GLI3: variants seen among roughly 807,000 people sequenced by gnomAD.
GLI3 encodes GLI family zinc finger 3.
GLI3 carries 20 observed loss-of-function variants against 100.8 expected under a neutral mutation model. The observed-to-expected ratio is 0.20, with a 90% CI of 0.14 to 0.29. The LOEUF (loss-of-function observed/expected upper bound fraction) is 0.29. Among genes scored for constraint, GLI3 ranks in the 10% least tolerant of loss-of-function variants. The probability of loss-of-function intolerance (pLI) is 1.00; values close to 1 mark genes in which losing one functional copy is unlikely to be tolerated. For synonymous variants in GLI3, 938 were observed against 860.5 expected (o/e 1.09, Z -1.58); for missense variants, 2,040 against 2,128.5 (o/e 0.96, Z 0.82).
At chr7:42,006,881 C>T (rs540801930) in intron 10 of GLI3, among the ~76,000 whole-genome samples, 124 of 152,208 alleles carry the variant, frequency 8.1e-4, no homozygotes, top group Admixed American at 3.1e-3. Flanking sequence ...TTATTCATTT[C>T]TTAGTTTCTA....
At chr7:42,020,659 C>T (rs1235914280) in intron 10 of GLI3, among the ~76,000 whole-genome samples, 1 of 152,214 alleles carries the variant, frequency 6.6e-6, no homozygotes, top group African/African-American at 2.4e-5. Context: ...GGAATGGAAA[C>T]TGTTAATGCT....
chr7:42,236,838 G>A (rs892187691), intron 1 of GLI3, 133 bp downstream of exon 1: 5 of 152,242 alleles, frequency 3.3e-5, no homozygotes, highest in African/African-American at 1.2e-4. Context: ...TCTAAATCTG[G>A]GCGCCTTTTG....
intron 2 of GLI3, among the ~76,000 whole-genome samples, chr7:42,212,661 G>A (rs776611268): frequency 3.1e-4 from 47 of 152,194 alleles, no homozygotes; most frequent in Non-Finnish European, 5.6e-4. Flanking sequence ...GAAATTATAA[G>A]GAAAGGCCGA....
chr7:42,031,454 C>T (rs1789295473), intron 7 of GLI3, among the ~76,000 whole-genome samples: 1 of 152,102 alleles, frequency 6.6e-6, no homozygotes, highest in African/African-American at 2.4e-5. Context: ...AAAGAAGTAC[C>T]AAGGTCATCA....
chr7:42,109,855 G>T (rs1004473987), intron 3 of GLI3, among the ~76,000 whole-genome samples: 1 of 152,184 alleles, frequency 6.6e-6, no homozygotes, highest in Non-Finnish European at 1.5e-5. Flanking sequence ...ACTTGCAAAA[G>T]AAAGATTTTA....
At chr7:42,112,784 G>A (rs930955726) in intron 3 of GLI3, among the ~76,000 whole-genome samples, 1 of 150,254 alleles carries the variant, frequency 6.7e-6, no homozygotes, top group Admixed American at 6.6e-5. Context: ...CATCCCCACT[G>A]TAGAGGTGCA....
intron 1 of GLI3, among the ~76,000 whole-genome samples, chr7:42,258,754 G>A (rs2128711578): frequency 6.6e-6 from 1 of 152,182 alleles, no homozygotes; most frequent in East Asian, 1.9e-4. Flanking sequence ...TGTTTTATAA[G>A]GGCTTGAATC....
At chr7:42,062,389 T>C (rs200054954) in intron 4 of GLI3, among the ~76,000 whole-genome samples, 2 of 152,222 alleles carry the variant, frequency 1.3e-5, no homozygotes, top group East Asian at 3.9e-4. Flanking sequence ...AGCATCACAA[T>C]CATTGCAGCA....
chr7:42,193,720 A>C (rs1787873079), intron 2 of GLI3, among the ~76,000 whole-genome samples: 1 of 152,172 alleles, frequency 6.6e-6, no homozygotes, highest in East Asian at 1.9e-4. Flanking sequence ...TCCTGGATAT[A>C]AATCAAACAG....
At position 41,961,184 on chromosome 7, in the gene GLI3, A is replaced by T. The variant is rs182402357; in HGVS notation, c.*3146T>A. The T allele has an allele frequency of 3.9e-4, 59 of 152,746 alleles. No homozygotes were observed. Among genetic ancestry groups the T allele is most frequent in the African/African-American group, 1.4e-3 (58 of 41,562 alleles). The allele number at this position is 152,746 out of a possible 1,614,324, so 9.5% of individuals were successfully genotyped here. Reference sequence around the variant, plus strand: ...AAATGTATTTACATGTGTTTCTTTTAAAAAAAGGATTACACATTTTATTTT... The same window carrying T: ...AAATGTATTTACATGTGTTTCTTTTTAAAAAAGGATTACACATTTTATTTT... On this transcript the variant is annotated 3_prime_UTR_variant, in exon 15 of 15. Transcript: ENST00000395925.
intron 1 of GLI3, among the ~76,000 whole-genome samples, chr7:42,249,114 T>C (rs1328549643): frequency 6.6e-6 from 1 of 152,174 alleles, no homozygotes; most frequent in African/African-American, 2.4e-5. Flanking sequence ...AATAAACTTT[T>C]CTAAGCAATC....
At chr7:42,182,952 G>C (rs1307551802) in intron 2 of GLI3, among the ~76,000 whole-genome samples, 3 of 151,848 alleles carry the variant, frequency 2.0e-5, no homozygotes, top group Non-Finnish European at 4.4e-5. Context: ...TGGGCATGGT[G>C]GTTCACATCT....
chr7:42,125,711 G>C (rs942170525), intron 3 of GLI3, among the ~76,000 whole-genome samples: 3 of 152,144 alleles, frequency 2.0e-5, no homozygotes, highest in African/African-American at 7.2e-5. Context: ...CAATGTTCAG[G>C]ATTATACTCT....
chr7:42,237,628 C>T (rs1374198786), upstream of GLI3, among the ~76,000 whole-genome samples: 1 of 151,784 alleles, frequency 6.6e-6, no homozygotes, highest in Non-Finnish European at 1.5e-5. Flanking sequence ...GCCGGACTCT[C>T]CTCGCTCCCT....
At chr7:42,118,607 C>T (rs1044812142) in intron 3 of GLI3, among the ~76,000 whole-genome samples, 4 of 152,176 alleles carry the variant, frequency 2.6e-5, no homozygotes, top group African/African-American at 7.2e-5. Context: ...CTTGCCAGCA[C>T]CCTTGATTGT....
chr7:42,172,438 A>G (rs1787393322), intron 2 of GLI3: 3 of 630,418 alleles, frequency 4.8e-6, no homozygotes, highest in African/African-American at 3.6e-5. Context: ...ATTAGATAGT[A>G]AGATGAAAAA....
At chr7:42,143,592 C>T (rs1332191486) in intron 3 of GLI3, among the ~76,000 whole-genome samples, 1 of 152,196 alleles carries the variant, frequency 6.6e-6, no homozygotes, top group Non-Finnish European at 1.5e-5. Flanking sequence ...AGTTTTTTAG[C>T]ACACAAGAAT....
chr7:42,108,755 A>T (rs1785635176), intron 3 of GLI3, among the ~76,000 whole-genome samples: 1 of 152,226 alleles, frequency 6.6e-6, no homozygotes, highest in Non-Finnish European at 1.5e-5. Context: ...AAAGGAAAAG[A>T]GTGAAGCTGC....
chr7:42,083,843 C>T (rs1284358770), intron 3 of GLI3, among the ~76,000 whole-genome samples: 2 of 152,022 alleles, frequency 1.3e-5, no homozygotes, highest in African/African-American at 4.8e-5. Flanking sequence ...TTAGCAAAAC[C>T]CGTAACAAGT....
Sources: gnomAD v4.1 joint callset for allele counts (sites outside exome capture counted in the v4.1 genomes callset) on GRCh38, gnomAD v4.1.1 for gene constraint, MANE v1.5 for transcripts, NCBI Gene and HGNC (gene_info 2026-07-23, HGNC 2026-07-21) for gene names.